The following ZNF98 variants were observed in gnomAD, a reference collection of about 807,000 sequenced individuals.
ZNF98 encodes the protein zinc finger protein 98.
Under a neutral mutation model 12.8 loss-of-function variants are expected in ZNF98, and 8 were observed. The observed-to-expected ratio is 0.63, with a 90% CI of 0.37 to 1.13. The LOEUF (loss-of-function observed/expected upper bound fraction) is 1.13, where lower values mean the gene tolerates loss of function less well. Among genes scored for constraint, ZNF98 ranks in the 50% most tolerant of loss-of-function variants. ZNF98 has a pLI of 0.01. For synonymous variants in ZNF98, 112 were observed against 223.5 expected (o/e 0.50, Z 4.45); for missense variants, 379 against 666.1 (o/e 0.57, Z 4.74).
rs113960847 is a variant in ZNF98, at chr19:22,421,943, G to C, written c.30+252C>G. Among the ~76,000 whole-genome samples, 574 of 152,312 alleles carry C rather than the reference G, an allele frequency of 3.8e-3. 3 individuals carry two copies. The highest frequency in any genetic ancestry group is 5.8e-3 in the Non-Finnish European group (398 of 68,042). ...GGAGAGACGCGGCACTGCGCGTGCA[G>C]AGCTGCCCAGAGAGGGCTCCAGCTC... On this transcript the variant is annotated intron_variant, in intron 1 of 3. Transcript: ENST00000357774.
At chr19:22,412,161 CA>C (rs1332892427) in intron 1 of ZNF98, among the ~76,000 whole-genome samples, 1 of 152,126 alleles carries the variant, frequency 6.6e-6, no homozygotes, top group Admixed American at 6.6e-5. Context: ...TAAAATTGAC[CA>C]CACAGTCAGA....
chr19:22,403,343 T>C, intron 2 of ZNF98, 43 bp downstream of exon 2: 2 of 1,521,380 alleles, frequency 1.3e-6, no homozygotes, highest in Non-Finnish European at 1.8e-6. Flanking sequence ...GAAATAAAAT[T>C]TATAGGGTAT....
At chr19:22,394,763 G>A (rs1330660900) in intron 3 of ZNF98, among the ~76,000 whole-genome samples, 1 of 152,052 alleles carries the variant, frequency 6.6e-6, no homozygotes, top group African/African-American at 2.4e-5. Context: ...TGCACGCTGG[G>A]CACATGTACC....
intron 1 of ZNF98, among the ~76,000 whole-genome samples, chr19:22,409,717 GC>G (rs1969560104): frequency 6.6e-6 from 1 of 151,952 alleles, no homozygotes; most frequent in African/African-American, 2.4e-5. Flanking sequence ...TTCTAGACCA[GC>G]CTGGCCAATA....
At chr19:22,412,461 T>C (rs1230811437) in intron 1 of ZNF98, among the ~76,000 whole-genome samples, 1 of 152,016 alleles carries the variant, frequency 6.6e-6, no homozygotes, top group Non-Finnish European at 1.5e-5. Context: ...AATGCTTACA[T>C]TGAAAAGTTA....
chr19:22,397,208 G>GTTT (rs1415754065), intron 3 of ZNF98, among the ~76,000 whole-genome samples: 57 of 64,054 alleles, frequency 8.9e-4, no homozygotes, highest in African/African-American at 2.2e-3. Context: ...GTGTGTGTGT[G>GTTT]TTTTTGTGTG....
intron 1 of ZNF98, among the ~76,000 whole-genome samples, chr19:22,418,993 G>C (rs1969675145): frequency 6.6e-6 from 1 of 152,170 alleles, no homozygotes; most frequent in South Asian, 2.1e-4. Flanking sequence ...CTCAATCTGA[G>C]TCGAAATACA....
intron 1 of ZNF98, among the ~76,000 whole-genome samples, chr19:22,407,272 G>A (rs185409868): frequency 6.6e-6 from 1 of 151,804 alleles, no homozygotes; most frequent in South Asian, 2.1e-4. Context: ...GGCCAGGTTG[G>A]TTTCGAACTC....
intron 3 of ZNF98, chr19:22,402,360 A>G (rs1032002022): frequency 1.0e-5 from 4 of 392,888 alleles, no homozygotes; most frequent in Non-Finnish European, 1.8e-5. Context: ...CAGAAAAATT[A>G]GCAATAAAAA....
intron 1 of ZNF98, among the ~76,000 whole-genome samples, chr19:22,411,972 T>C (rs907863222): frequency 3.9e-5 from 6 of 152,084 alleles, no homozygotes; most frequent in African/African-American, 1.2e-4. Context: ...GACACAATAA[T>C]AGTGGGAGAC....
At chr19:22,418,919 A>G (rs1451414009) in intron 1 of ZNF98, among the ~76,000 whole-genome samples, 1 of 152,158 alleles carries the variant, frequency 6.6e-6, no homozygotes, top group Non-Finnish European at 1.5e-5. Context: ...AAAATAAAAT[A>G]CTTTTTAATC....
chr19:22,403,545 C>A, intron 1 of ZNF98, 33 bp from the exon 2 acceptor site: 4 of 1,563,016 alleles, frequency 2.6e-6, no homozygotes, highest in African/African-American at 1.4e-5. Context: ...TACATATTTA[C>A]CAAGTGGCCA....
At chr19:22,407,826 T>A (rs945184863) in intron 1 of ZNF98, among the ~76,000 whole-genome samples, 12 of 151,902 alleles carry the variant, frequency 7.9e-5, no homozygotes, top group African/African-American at 2.9e-4. Flanking sequence ...ATCCGCCACT[T>A]TGGGAGGCCG....
At position 22,407,890 on chromosome 19, in the gene ZNF98, A is replaced by G. The variant is rs1599388134; in HGVS notation, c.31-4378T>C. On this transcript the variant is annotated intron_variant, in intron 1 of 3. Transcript: ENST00000357774. ...TTCGAGACCAGCCTGACCAACATGG[A>G]GAAACCCCGTCTCTACTAAAAGTAC... Among the ~76,000 whole-genome samples, 3 of 151,668 alleles carry G rather than the reference A, an allele frequency of 2.0e-5. No individual in the cohort carries two copies. The East Asian group carries it at 5.8e-4, about 30-fold the overall frequency.
intron 1 of ZNF98, among the ~76,000 whole-genome samples, chr19:22,407,120 G>C (rs143787104): frequency 1.3e-5 from 2 of 151,662 alleles, no homozygotes; most frequent in African/African-American, 4.8e-5. Context: ...GCAGTGGCGC[G>C]ATCTTGGCTC....
intron 1 of ZNF98, among the ~76,000 whole-genome samples, chr19:22,415,747 C>A (rs545974712): frequency 6.6e-6 from 1 of 151,940 alleles, no homozygotes; most frequent in African/African-American, 2.4e-5. Flanking sequence ...GATCATGCCA[C>A]TGCACTCCAG....
intron 1 of ZNF98, among the ~76,000 whole-genome samples, chr19:22,405,726 C>T (rs1487667395): frequency 6.6e-6 from 1 of 152,158 alleles, no homozygotes; most frequent in East Asian, 1.9e-4. Flanking sequence ...TGACCAGCAC[C>T]ACAGGTGTGG....
chr19:22,400,152 A>C (rs1354228899), intron 3 of ZNF98, among the ~76,000 whole-genome samples: 4 of 151,994 alleles, frequency 2.6e-5, no homozygotes, highest in Non-Finnish European at 4.4e-5. Flanking sequence ...TCCCAGCCAC[A>C]GTCTGGGAGA....
intron 3 of ZNF98, among the ~76,000 whole-genome samples, chr19:22,397,534 T>C (rs1486109138): frequency 2.6e-5 from 4 of 151,856 alleles, no homozygotes; most frequent in African/African-American, 9.7e-5. Context: ...CTTACCAGTT[T>C]TTTTAAAACT....
Sources: gnomAD v4.1 joint callset for allele counts (sites outside exome capture counted in the v4.1 genomes callset) on GRCh38, gnomAD v4.1.1 for gene constraint, MANE v1.5 for transcripts, NCBI Gene and HGNC (gene_info 2026-07-23, HGNC 2026-07-21) for gene names.